Variants in CNBD1 observed in about 807,000 individuals in gnomAD.
The protein encoded by CNBD1 is cyclic nucleotide-binding domain-containing protein 1.
In CNBD1, 71 loss-of-function variants were observed where a neutral mutation model predicts 54.4. The ratio of observed to expected loss-of-function variants is 1.30; its 90% CI spans 1.08 to 1.59. The LOEUF is 1.59. CNBD1 is among the 40% of genes most tolerant of loss of function. The pLI is 0.00. For missense variants in CNBD1, 659 were observed against 518.0 expected (o/e 1.27, Z -2.64); for synonymous variants, 182 against 170.7 (o/e 1.07, Z -0.51).
chr8:87,421,271 T>C (rs899629743), intron 2 of CNBD1, among the ~76,000 whole-genome samples: 2 of 151,886 alleles, frequency 1.3e-5, no homozygotes, highest in African/African-American at 2.4e-5. Context: ...TTTTATTTAT[T>C]TCTTTATTTT....
intron 5 of CNBD1, among the ~76,000 whole-genome samples, chr8:87,224,572 T>A (rs1814432491): frequency 6.6e-6 from 1 of 151,430 alleles, no homozygotes; most frequent in African/African-American, 2.5e-5. Context: ...GTGTTATTTC[T>A]GAGGGCTCTG....
At chr8:87,377,514 G>A (rs1444407932) in intron 10 of CNBD1, among the ~76,000 whole-genome samples, 3 of 151,912 alleles carry the variant, frequency 2.0e-5, no homozygotes, top group Admixed American at 6.6e-5. Flanking sequence ...AGTATTCCAT[G>A]TTGTATATGT....
chr8:86,979,858 A>G (rs1243203011), intron 4 of CNBD1, among the ~76,000 whole-genome samples: 1 of 152,184 alleles, frequency 6.6e-6, no homozygotes, highest in Non-Finnish European at 1.5e-5. Flanking sequence ...AGAAATGATG[A>G]TATAAGAGCA....
At chr8:87,258,772 T>C (rs989226722) in intron 6 of CNBD1, among the ~76,000 whole-genome samples, 2 of 152,200 alleles carry the variant, frequency 1.3e-5, no homozygotes, top group African/African-American at 4.8e-5. Context: ...TATAACCCTT[T>C]ACAAATTTTT....
intron 4 of CNBD1, among the ~76,000 whole-genome samples, chr8:87,125,217 A>G (rs1345327622): frequency 6.6e-6 from 1 of 151,798 alleles, no homozygotes; most frequent in Non-Finnish European, 1.5e-5. Flanking sequence ...TACTACCCAA[A>G]GTGATTTATA....
intron 4 of CNBD1, among the ~76,000 whole-genome samples, chr8:86,992,810 A>C (rs1414532972): frequency 6.6e-6 from 1 of 152,128 alleles, no homozygotes; most frequent in Admixed American, 6.5e-5. Context: ...TCTGGCTTGT[A>C]AGGTCTGCTG....
intron 8 of CNBD1, among the ~76,000 whole-genome samples, chr8:87,299,824 C>A (rs1808949122): frequency 6.6e-6 from 1 of 152,160 alleles, no homozygotes; most frequent in Non-Finnish European, 1.5e-5. Flanking sequence ...TTCAGCCACA[C>A]CACACCCTGC....
At chr8:87,372,428 C>A (rs1236735994) in intron 10 of CNBD1, among the ~76,000 whole-genome samples, 4 of 151,890 alleles carry the variant, frequency 2.6e-5, no homozygotes, top group Non-Finnish European at 5.9e-5. Context: ...TCTGGTTCCT[C>A]ACTGGATAAA....
At chr8:87,391,249 A>G (rs563485063) in intron 2 of CNBD1, among the ~76,000 whole-genome samples, 1 of 152,206 alleles carries the variant, frequency 6.6e-6, no homozygotes, top group Non-Finnish European at 1.5e-5. Flanking sequence ...AATAAAAAAA[A>G]GAAATTTCAA....
intron 4 of CNBD1, among the ~76,000 whole-genome samples, chr8:86,994,697 A>G (rs762033828): frequency 1.3e-5 from 2 of 151,778 alleles, no homozygotes; most frequent in African/African-American, 2.4e-5. Context: ...GTACCCCAGC[A>G]GGGTCCCCAG....
chr8:87,103,872 C>G (rs543651863), intron 4 of CNBD1, among the ~76,000 whole-genome samples: 59 of 152,246 alleles, frequency 3.9e-4, no homozygotes, highest in Admixed American at 1.9e-3. Context: ...AAGTCACAGA[C>G]AGTTTGAAGA....
chr8:87,369,157 G>T (rs1344563375), intron 10 of CNBD1, among the ~76,000 whole-genome samples: 2 of 151,890 alleles, frequency 1.3e-5, no homozygotes, highest in Admixed American at 1.3e-4. Context: ...TTGGCTAAAT[G>T]ATATTTAATA....
At chr8:86,992,054 A>G (rs1019366175) in intron 4 of CNBD1, among the ~76,000 whole-genome samples, 7 of 152,054 alleles carry the variant, frequency 4.6e-5, no homozygotes, top group African/African-American at 1.7e-4. Flanking sequence ...TTTTGAGTCT[A>G]GATGTTCTTT....
At chr8:87,080,064 A>G (rs1563460404) in intron 4 of CNBD1, among the ~76,000 whole-genome samples, 2 of 152,164 alleles carry the variant, frequency 1.3e-5, no homozygotes, top group Admixed American at 6.5e-5. Flanking sequence ...GTTGAAAACT[A>G]TTTTCCTTTC....
At chr8:87,313,263 C>T (rs1465788131) in intron 8 of CNBD1, among the ~76,000 whole-genome samples, 1 of 152,050 alleles carries the variant, frequency 6.6e-6, no homozygotes, top group African/African-American at 2.4e-5. Flanking sequence ...ATTGCAGGGA[C>T]TTATTTGGAG....
Position 87,401,630 on chromosome 8 carries a change from C to T in CNBD1, c.214-26916C>T, listed in dbSNP as rs557479831. 8.5e-5 allele frequency among the ~76,000 whole-genome samples: 13 copies of T among 152,156 alleles called. No individual in the cohort carries two copies. In the South Asian group the frequency reaches 1.9e-3, roughly 22 times the overall value. ...TTAGAGGTTGCTGGGCCATGAGAAT[C>T]TGCATCCATGCTTAACAGAAATGTC... is the stretch of plus-strand genomic sequence containing the variant. On this transcript the variant is annotated intron_variant, in intron 2 of 7. Transcript: ENST00000521593.
intron 6 of CNBD1, among the ~76,000 whole-genome samples, chr8:87,258,415 T>G (rs1357682980): frequency 7.3e-6 from 1 of 136,396 alleles, no homozygotes; most frequent in African/African-American, 3.0e-5. Flanking sequence ...AAAATTTTTC[T>G]TTTTTTTATT....
intron 6 of CNBD1, among the ~76,000 whole-genome samples, chr8:87,280,744 T>C (rs1266805742): frequency 6.6e-6 from 1 of 151,612 alleles, no homozygotes; most frequent in Admixed American, 6.6e-5. Context: ...AAGAAAGATT[T>C]ATAGATTTAC....
intron 2 of CNBD1, among the ~76,000 whole-genome samples, chr8:87,417,071 G>A (rs1807850462): frequency 1.3e-5 from 2 of 151,968 alleles, no homozygotes; most frequent in Admixed American, 1.3e-4. Context: ...GTATTAGTCT[G>A]TTCTCATGCG....
Sources: gnomAD v4.1 joint callset for allele counts (sites outside exome capture counted in the v4.1 genomes callset) on GRCh38, gnomAD v4.1.1 for gene constraint, MANE v1.5 for transcripts, NCBI Gene and HGNC (gene_info 2026-07-23, HGNC 2026-07-21) for gene names.